Variants in DGKI observed in about 807,000 individuals in gnomAD.
The protein encoded by DGKI is DAG kinase iota.
Under a neutral mutation model 147.5 loss-of-function variants are expected in DGKI, and 55 were observed. The observed-to-expected ratio is 0.37, with a 90% CI of 0.30 to 0.47. DGKI has a LOEUF of 0.47. DGKI is among the 20% of genes least tolerant of loss of function. DGKI has a pLI of 1.00. For synonymous variants in DGKI, 469 were observed against 477.1 expected, an observed-to-expected ratio of 0.98 and a Z score of 0.22; for missense variants, 1,007 against 1,323.8, an observed-to-expected ratio of 0.76 and a Z score of 3.71.
At chr7:137,420,754 C>T (rs1320771272) in intron 28 of DGKI, among the ~76,000 whole-genome samples, 1 of 152,140 alleles carries the variant, frequency 6.6e-6, no homozygotes, top group Non-Finnish European at 1.5e-5. Flanking sequence ...CACTGTGGCC[C>T]ACGCCTGTAA....
rs767327627 is a variant in DGKI, at chr7:137,597,912, A to G, written c.1251-5T>C. On this transcript the variant is annotated splice_region_variant and splice_polypyrimidine_tract_variant and intron_variant, in intron 11 of 32. Coordinates refer to ENST00000614521, the MANE Select transcript of DGKI (RefSeq NM_001321708.2). Reference sequence around the variant, plus strand: ...ACTTTCCTATACAATTCAAGCCTGTAGAGGAAATAGAAGAAAAAGTAAACA... The same window carrying G: ...ACTTTCCTATACAATTCAAGCCTGTGGAGGAAATAGAAGAAAAAGTAAACA... 1.6e-5 allele frequency: 26 copies of G among 1,612,514 alleles called. No individual in the cohort carries two copies. The highest frequency in any genetic ancestry group is 2.1e-5 in the Non-Finnish European group (25 of 1,179,144).
chr7:137,574,451 T>C (rs972302496), intron 17 of DGKI, among the ~76,000 whole-genome samples: 5 of 152,122 alleles, frequency 3.3e-5, no homozygotes, highest in Admixed American at 6.5e-5. Flanking sequence ...GATATATTAA[T>C]AGTGTATAAA....
At position 137,552,496 on chromosome 7, in the gene DGKI, A is replaced by G. The variant is rs2128966609; in HGVS notation, c.2020T>C (p.Ser674Pro). 1.2e-6 allele frequency: 2 copies of G among 1,614,144 alleles called. No individual in the cohort carries two copies. Among genetic ancestry groups the G allele is most frequent in the South Asian group, 1.1e-5 (1 of 91,078 alleles). The change falls in exon 20 of 33, where the codon TCC becomes CCC. Residue 674 changes from serine to proline, a missense_variant. Around this residue, in one of 5 missense-constraint regions of DGKI, gnomAD observed 224 missense variants for 382.7 expected, o/e 0.59. Coordinates refer to ENST00000614521, the MANE Select transcript of DGKI (RefSeq NM_001321708.2). ...CREVMLLTYKSIPMQVDGEPC... is the reference protein window; with the variant it reads ...CREVMLLTYKPIPMQVDGEPC... ...TCCCCATCCACTTGCATGGGGATGG[A>G]TTTGTAAGTTAGAAGCATGACTTCT...
chr7:137,818,250 C>T (rs1245523658), intron 1 of DGKI, among the ~76,000 whole-genome samples: 1 of 152,126 alleles, frequency 6.6e-6, no homozygotes, highest in African/African-American at 2.4e-5. Context: ...CATAATAATC[C>T]TCTAGGTCAA....
intron 6 of DGKI, among the ~76,000 whole-genome samples, chr7:137,633,530 ATTATC>A (rs1285058387): frequency 6.6e-6 from 1 of 152,226 alleles, no homozygotes; most frequent in Non-Finnish European, 1.5e-5. Context: ...CATTTCCAAA[ATTATC>A]TAAGTGCCAC....
At chr7:137,681,926 A>G (rs906396461) in intron 2 of DGKI, among the ~76,000 whole-genome samples, 11 of 152,256 alleles carry the variant, frequency 7.2e-5, no homozygotes, top group Admixed American at 2.6e-4. Context: ...AACGCTGTCT[A>G]CAGGACCAAC....
chr7:137,597,986 G>A, intron 11 of DGKI, 79 bp from the exon 12 acceptor site: 2 of 1,276,756 alleles, frequency 1.6e-6, no homozygotes, highest in Non-Finnish European at 2.2e-6. Flanking sequence ...GGACAACATG[G>A]GTAGGTAGGG....
At chr7:137,673,506 T>C (rs138860800) in intron 3 of DGKI, among the ~76,000 whole-genome samples, 76 of 152,354 alleles carry the variant, frequency 5.0e-4, no homozygotes, top group African/African-American at 1.8e-3. Flanking sequence ...TTGACTATAA[T>C]GCTCATCCAG....
chr7:137,703,170 G>A (rs528734820), intron 1 of DGKI, among the ~76,000 whole-genome samples: 35 of 152,244 alleles, frequency 2.3e-4, no homozygotes, highest in East Asian at 9.7e-4. Context: ...CGATCACGGC[G>A]GAAGGGAAAA....
At chr7:137,761,412 A>G (rs536506041) in intron 1 of DGKI, among the ~76,000 whole-genome samples, 21 of 152,346 alleles carry the variant, frequency 1.4e-4, no homozygotes, top group African/African-American at 4.8e-4. Context: ...CGTAAATAGC[A>G]GGGGCTACCT....
intron 1 of DGKI, among the ~76,000 whole-genome samples, chr7:137,729,194 A>G (rs1392486786): frequency 6.6e-6 from 1 of 152,194 alleles, no homozygotes; most frequent in Non-Finnish European, 1.5e-5. Flanking sequence ...CTACTAATAC[A>G]AAGACATTTC....
chr7:137,446,825 A>G (rs549137000), intron 27 of DGKI, among the ~76,000 whole-genome samples: 6 of 152,352 alleles, frequency 3.9e-5, no homozygotes, highest in Non-Finnish European at 8.8e-5. Context: ...TATTTTAACA[A>G]CAGAGGTTCA....
intron 14 of DGKI, among the ~76,000 whole-genome samples, chr7:137,583,375 G>A (rs1171481750): frequency 6.6e-6 from 1 of 152,134 alleles, no homozygotes; most frequent in African/African-American, 2.4e-5. Flanking sequence ...TGACAGCATG[G>A]GTTGGTGATC....
At chr7:137,457,354 C>G (rs1022244254) in intron 27 of DGKI, among the ~76,000 whole-genome samples, 35 of 152,204 alleles carry the variant, frequency 2.3e-4, no homozygotes, top group African/African-American at 8.0e-4. Context: ...TTTCCAAAAT[C>G]AAAATCGCTG....
rs577551820 is a variant in DGKI, at chr7:137,504,561, T to C, written c.2249-16872A>G. Among the ~76,000 whole-genome samples the C allele has an allele frequency of 2.6e-5, 4 of 152,340 alleles. No homozygotes were observed. The South Asian group carries it at 6.2e-4, about 24-fold the overall frequency. On this transcript the variant is annotated intron_variant, in intron 21 of 32. Coordinates refer to ENST00000614521, the MANE Select transcript of DGKI (RefSeq NM_001321708.2). Reference sequence around the variant, plus strand: ...AAAATAGGAAAGGTATTGAACAATATGGTAAACCATCAAAATATAGTCATC... The same window carrying C: ...AAAATAGGAAAGGTATTGAACAATACGGTAAACCATCAAAATATAGTCATC...
intron 6 of DGKI, among the ~76,000 whole-genome samples, chr7:137,635,836 T>C (rs1288395672): frequency 6.6e-6 from 1 of 152,230 alleles, no homozygotes; most frequent in African/African-American, 2.4e-5. Flanking sequence ...ACAGTGGCTA[T>C]GCCTACTGTG....
rs941979474 is a variant in DGKI, at chr7:137,469,578, C to T, written c.2415G>A (p.Arg805=). Residue 805 remains arginine (R), a synonymous_variant, in exon 24 of 33, where the codon AGG becomes AGA. Transcript: ENST00000614521. The part of the protein sequence containing the change: ...TSFPRALSAQ[R]LSPRWCFLDA... The stretch of plus-strand genomic sequence containing the variant: ...CTAGGAAGCACCACCGAGGAGAGAG[C>T]CTCTGTGCTGAGAGAGCCCTGGGGA... 2 of 1,614,032 alleles carry T rather than the reference C, an allele frequency of 1.2e-6. No homozygotes were observed. The highest frequency in any genetic ancestry group is 1.7e-6 in the Non-Finnish European group (2 of 1,179,958).
At chr7:137,556,418 A>C (rs1818225239) in intron 19 of DGKI, among the ~76,000 whole-genome samples, 1 of 152,172 alleles carries the variant, frequency 6.6e-6, no homozygotes, top group Non-Finnish European at 1.5e-5. Context: ...GAAAAAATGC[A>C]AACTTACTAA....
At chr7:137,442,388 C>A (rs973319132) in intron 28 of DGKI, among the ~76,000 whole-genome samples, 1 of 152,158 alleles carries the variant, frequency 6.6e-6, no homozygotes, top group Non-Finnish European at 1.5e-5. Context: ...TTATAATTCA[C>A]AAGTTTCCCT....
Sources: gnomAD v4.1 joint callset for allele counts (sites outside exome capture counted in the v4.1 genomes callset) on GRCh38, gnomAD v4.1.1 for gene constraint, gnomAD v4.1.1 regional missense constraint, MANE v1.5 for transcripts, NCBI Gene and HGNC (gene_info 2026-07-23, HGNC 2026-07-21) for gene names.